The following ZBTB16 variants were observed in gnomAD, a reference collection of about 807,000 sequenced individuals.
ZBTB16 encodes zinc finger and BTB domain containing 16, also known as zinc finger and BTB domain-containing protein 16.
ZBTB16 carries 8 observed loss-of-function variants against 56.8 expected under a neutral mutation model. That is an observed-to-expected ratio of 0.14 (90% CI 0.08 to 0.25). ZBTB16 has a LOEUF of 0.25. ZBTB16 is among the 10% of genes least tolerant of loss of function. The probability of loss-of-function intolerance (pLI) is 1.00; values close to 1 mark genes in which losing one functional copy is unlikely to be tolerated. For synonymous variants in ZBTB16, 363 were observed against 368.5 expected (o/e 0.98, Z 0.17); for missense variants, 625 against 903.0 (o/e 0.69, Z 3.95).
At chr11:114,189,667 G>C (rs1294536137) in intron 4 of ZBTB16, 1 of 151,870 alleles carries the variant, frequency 6.6e-6, no homozygotes, top group Non-Finnish European at 1.5e-5. Context: ...TTGGGAGGCT[G>C]AGGCAGGAGA....
At position 114,102,634 on chromosome 11, in the gene ZBTB16, T is replaced by C. The variant is rs559594506; in HGVS notation, c.1268+38066T>C. 2.7e-3 allele frequency among the ~76,000 whole-genome samples: 409 copies of C among 152,004 alleles called. 2 individuals are homozygous for C. Among genetic ancestry groups the C allele is most frequent in the African/African-American group, 9.3e-3 (387 of 41,434 alleles). On this transcript the variant is annotated intron_variant, in intron 2 of 6. Coordinates refer to ENST00000335953, the MANE Select transcript of ZBTB16 (RefSeq NM_006006.6). ...TGGGCCTGTGTTTCTGGGATGATTT[T>C]AGCATATGTAGTAAGAGGGGTGCTT...
chr11:114,132,694 C>A (rs1272167730), intron 2 of ZBTB16, among the ~76,000 whole-genome samples: 1 of 152,126 alleles, frequency 6.6e-6, no homozygotes, highest in African/African-American at 2.4e-5. Flanking sequence ...ATTTATAAAC[C>A]AGGTTTTGAG....
At chr11:114,148,900 G>A (rs36084899) in intron 2 of ZBTB16, among the ~76,000 whole-genome samples, 1 of 134,876 alleles carries the variant, frequency 7.4e-6, no homozygotes, top group African/African-American at 2.7e-5. Flanking sequence ...GTGTGTGTGT[G>A]TATCCGCATG....
chr11:114,133,860 T>G (rs994738976), intron 2 of ZBTB16, among the ~76,000 whole-genome samples: 2 of 152,158 alleles, frequency 1.3e-5, no homozygotes, highest in African/African-American at 4.8e-5. Flanking sequence ...CAGATTACAG[T>G]GTCAAAGAAC....
At chr11:114,198,656 G>A (rs1943660127) in intron 4 of ZBTB16, among the ~76,000 whole-genome samples, 1 of 152,076 alleles carries the variant, frequency 6.6e-6, no homozygotes, top group Admixed American at 6.5e-5. Flanking sequence ...CTGTACCCCC[G>A]TCCTCACACG....
rs1333714136 is a variant in ZBTB16, at chr11:114,256,348, A to T, written c.*5793A>T. Among the ~76,000 whole-genome samples the T allele has an allele frequency of 6.6e-6, 1 of 152,228 alleles. No individual in the cohort carries two copies. The highest frequency in any genetic ancestry group is 1.9e-4 in the East Asian group (1 of 5,200). On this transcript the variant is annotated 3_prime_UTR_variant, in exon 7 of 7. Transcript: ENST00000335953. The stretch of plus-strand genomic sequence containing the variant: ...GGGAATTACAGCAAAGGACAAACAG[A>T]CAAACCCTGGCCGCCCTGGGGCTAC...
At chr11:114,094,698 C>CT (rs2137735835) in intron 2 of ZBTB16, among the ~76,000 whole-genome samples, 1 of 152,246 alleles carries the variant, frequency 6.6e-6, no homozygotes, top group East Asian at 1.9e-4. Context: ...GGATGTGGCT[C>CT]TTAACTAGGG....
chr11:114,146,969 C>A (rs972133566), intron 2 of ZBTB16, among the ~76,000 whole-genome samples: 1 of 151,094 alleles, frequency 6.6e-6, no homozygotes, highest in Non-Finnish European at 1.5e-5. Flanking sequence ...TGCTTTTTTT[C>A]TTCATTAAAA....
intron 4 of ZBTB16, among the ~76,000 whole-genome samples, chr11:114,224,674 C>G (rs1214842607): frequency 6.6e-6 from 1 of 152,068 alleles, no homozygotes; most frequent in Non-Finnish European, 1.5e-5. Context: ...CAGAGGAACC[C>G]CAACATATTC....
At chr11:114,173,448 T>A (rs2135018412) in intron 3 of ZBTB16, among the ~76,000 whole-genome samples, 1 of 152,284 alleles carries the variant, frequency 6.6e-6, no homozygotes, top group South Asian at 2.1e-4. Context: ...CTTTCCCAGC[T>A]GTCACCAAGA....
At position 114,250,621 on chromosome 11, in the gene ZBTB16, A is replaced by G; in HGVS notation, c.*66A>G. On this transcript the variant is annotated 3_prime_UTR_variant, in exon 7 of 7. Coordinates refer to ENST00000335953, the MANE Select transcript of ZBTB16 (RefSeq NM_006006.6). This position sits in a 1 kb window ranked among gnomAD's most constrained non-coding sequence, Gnocchi z 6.0. ...AAGAAGAGTTGGAGTGAGATGAAGG[A>G]AGGACTATGACAAATAAAAAAGGAA... 6.6e-7 allele frequency: 1 copy of G among 1,511,030 alleles called. No homozygotes were observed. The highest frequency in any genetic ancestry group is 9.2e-7 in the Non-Finnish European group (1 of 1,089,366). 93.6% of individuals were successfully genotyped at this position (1,511,030 alleles called of 1,614,324 possible). A position where few individuals can be genotyped will look rare whatever the true frequency, so the allele number is the denominator to read the frequency against.
chr11:114,247,862 C>CT (rs534609201), intron 6 of ZBTB16, among the ~76,000 whole-genome samples: 62 of 151,680 alleles, frequency 4.1e-4, no homozygotes, highest in African/African-American at 1.5e-3. Flanking sequence ...TTAATAATCC[C>CT]TATATGCATA....
chr11:114,226,969 A>G (rs1185257044), intron 4 of ZBTB16, among the ~76,000 whole-genome samples: 1 of 152,156 alleles, frequency 6.6e-6, no homozygotes, highest in African/African-American at 2.4e-5. Context: ...CCTTGCGTGC[A>G]GCCTGACGTT....
intron 4 of ZBTB16, among the ~76,000 whole-genome samples, chr11:114,194,391 G>T (rs982626716): frequency 9.9e-5 from 15 of 152,216 alleles, no homozygotes; most frequent in Admixed American, 4.6e-4. Context: ...GTCCTGGTGT[G>T]TGTGACCCCT....
At chr11:114,162,996 C>A (rs957266461) in intron 3 of ZBTB16, among the ~76,000 whole-genome samples, 1 of 152,172 alleles carries the variant, frequency 6.6e-6, no homozygotes, top group Non-Finnish European at 1.5e-5. Flanking sequence ...AGTTTATGAT[C>A]GCTTGCAGAT....
At chr11:114,071,398 A>AT (rs1308526231) in intron 2 of ZBTB16, among the ~76,000 whole-genome samples, 3 of 152,146 alleles carry the variant, frequency 2.0e-5, no homozygotes, top group Non-Finnish European at 4.4e-5. Context: ...GAGAAGTCCC[A>AT]TTTTAATTTG....
intron 2 of ZBTB16, among the ~76,000 whole-genome samples, chr11:114,096,642 G>A (rs905191083): frequency 6.6e-6 from 1 of 152,066 alleles, no homozygotes; most frequent in African/African-American, 2.4e-5. Flanking sequence ...TGCAGCCGAG[G>A]AACCCTTTAT....
intron 6 of ZBTB16, among the ~76,000 whole-genome samples, chr11:114,248,736 A>G (rs1944861467): frequency 6.6e-6 from 1 of 152,160 alleles, no homozygotes; most frequent in Non-Finnish European, 1.5e-5. Context: ...TTGAGCCCAC[A>G]AGGAGAGGGT....
intron 4 of ZBTB16, chr11:114,187,324 A>G (rs1943384242): frequency 5.9e-6 from 3 of 509,756 alleles, no homozygotes; most frequent in Non-Finnish European, 1.1e-5. Context: ...GGAGGTATCT[A>G]GTATGCTCTT....
Sources: gnomAD v4.1 joint callset for allele counts (sites outside exome capture counted in the v4.1 genomes callset) on GRCh38, gnomAD v4.1.1 for gene constraint, Gnocchi (gnomAD v3.1) non-coding constraint, MANE v1.5 for transcripts, NCBI Gene and HGNC (gene_info 2026-07-23, HGNC 2026-07-21) for gene names.